DYNLRB2: variants seen among roughly 807,000 people sequenced by gnomAD.
DYNLRB2 encodes the protein dynein light chain roadblock-type 2.
Under a neutral mutation model 12.6 loss-of-function variants are expected in DYNLRB2, and 14 were observed. The ratio of observed to expected loss-of-function variants is 1.11; its 90% confidence interval spans 0.73 to 1.73. The LOEUF is 1.73. Among genes scored for constraint, DYNLRB2 ranks in the 40% most tolerant of loss-of-function variants. The pLI, the probability that DYNLRB2 is intolerant of heterozygous loss-of-function variation, is 0.00. For synonymous variants in DYNLRB2, 53 were observed against 37.0 expected (o/e 1.43, Z -1.57); for missense variants, 142 against 117.7 (o/e 1.21, Z -0.95).
chr16:80,542,037 G>A (rs1904292848), intron 1 of DYNLRB2, among the ~76,000 whole-genome samples: 1 of 152,108 alleles, frequency 6.6e-6, no homozygotes. Flanking sequence ...AATTTCTGTT[G>A]CTATTAGGTC....
At chr16:80,546,083 C>T (rs1904448595) in intron 2 of DYNLRB2, among the ~76,000 whole-genome samples, 1 of 152,134 alleles carries the variant, frequency 6.6e-6, no homozygotes. Flanking sequence ...GCCAAATTAA[C>T]CTTTTTTCCC....
intron 2 of DYNLRB2, among the ~76,000 whole-genome samples, chr16:80,545,337 T>G (rs1904382966): frequency 6.6e-6 from 1 of 152,028 alleles, no homozygotes. Context: ...ATCCTAACAG[T>G]AGGGGAATTT....
intron 1 of DYNLRB2, among the ~76,000 whole-genome samples, chr16:80,541,917 C>T (rs377280938): frequency 1.3e-5 from 2 of 152,192 alleles, no homozygotes; most frequent in African/African-American, 4.8e-5. Context: ...CAGATGCAAA[C>T]ATTCGTTGCT....
chr16:80,549,940 A>T (rs1426146595), intron 3 of DYNLRB2, among the ~76,000 whole-genome samples: 1 of 152,216 alleles, frequency 6.6e-6, no homozygotes, highest in Non-Finnish European at 1.5e-5. Flanking sequence ...AACTTAGCAT[A>T]CAGACTCTGC....
intron 2 of DYNLRB2, chr16:80,549,070 T>G: frequency 2.2e-6 from 1 of 451,320 alleles, no homozygotes; most frequent in Non-Finnish European, 4.5e-6. Flanking sequence ...AGTTAATGGC[T>G]TCTGAAAGAT....
At chr16:80,543,967 G>T (rs1180946746) in intron 2 of DYNLRB2, among the ~76,000 whole-genome samples, 1 of 152,172 alleles carries the variant, frequency 6.6e-6, no homozygotes, top group African/African-American at 2.4e-5. Flanking sequence ...GCTCAGCTAT[G>T]GTGGCAACCT....
chr16:80,544,433 G>C (rs775543264), intron 2 of DYNLRB2, among the ~76,000 whole-genome samples: 1 of 152,234 alleles, frequency 6.6e-6, no homozygotes, highest in South Asian at 2.1e-4. Flanking sequence ...TTTCGAGCTT[G>C]AATAATCAGG....
At chr16:80,546,348 G>C (rs568617887) in intron 2 of DYNLRB2, among the ~76,000 whole-genome samples, 18 of 152,242 alleles carry the variant, frequency 1.2e-4, no homozygotes, top group African/African-American at 4.3e-4. Flanking sequence ...ATGTATTCTT[G>C]TTTTCTACTA....
intron 2 of DYNLRB2, among the ~76,000 whole-genome samples, chr16:80,544,449 G>A (rs1231460069): frequency 6.6e-6 from 1 of 152,226 alleles, no homozygotes; most frequent in Non-Finnish European, 1.5e-5. Context: ...TCAGGGGGAA[G>A]AGAGGATTTA....
intron 2 of DYNLRB2, among the ~76,000 whole-genome samples, chr16:80,545,627 C>T (rs1254735934): frequency 1.4e-5 from 2 of 143,988 alleles, no homozygotes; most frequent in Non-Finnish European, 3.0e-5. Flanking sequence ...TTCTCTTATC[C>T]GAAGGCAACA....
At chr16:80,548,925 T>C (rs1904656937) in intron 2 of DYNLRB2, 2 of 455,902 alleles carry the variant, frequency 4.4e-6, no homozygotes, top group Non-Finnish European at 8.8e-6. Context: ...TGATATCCCT[T>C]TATGTTTGTG....
intron 2 of DYNLRB2, among the ~76,000 whole-genome samples, chr16:80,544,107 G>A (rs777626157): frequency 4.6e-5 from 7 of 152,154 alleles, no homozygotes; most frequent in Non-Finnish European, 1.0e-4. Context: ...CATGGAATTG[G>A]CCTATTACCA....
chr16:80,543,741 G>A (rs1276982524), intron 2 of DYNLRB2, among the ~76,000 whole-genome samples: 1 of 152,180 alleles, frequency 6.6e-6, no homozygotes, highest in Non-Finnish European at 1.5e-5. Flanking sequence ...CAGAATTTCA[G>A]TGTTTATTTT....
intron 2 of DYNLRB2, 63 bp from the exon 3 acceptor site, chr16:80,549,421 C>CA: frequency 7.0e-7 from 1 of 1,429,594 alleles, no homozygotes; most frequent in Non-Finnish European, 9.3e-7. Flanking sequence ...CCAATACTTC[C>CA]ACACTGTACT....
intron 2 of DYNLRB2, among the ~76,000 whole-genome samples, chr16:80,545,683 T>TTTTTTTTTTTTTG: frequency 7.3e-6 from 1 of 137,736 alleles, no homozygotes. Flanking sequence ...TTTTTTTTTT[T>TTTTTTTTTTTTTG]TTGAGATGGA....
Position 80,550,505 on chromosome 16 carries a change from C to G in DYNLRB2, c.248-10C>G. ...TTAAGGGTGAATTGATTTTATCCAT[C>G]TCTCCATAGATAAGGAATATCTTCT... is the stretch of plus-strand genomic sequence containing the variant. On this transcript the variant is annotated splice_polypyrimidine_tract_variant and intron_variant, in intron 3 of 3. Transcript: ENST00000305904. The G allele has an allele frequency of 6.2e-7, 1 of 1,613,950 alleles. No individual in the cohort carries two copies.
rs142363784 is a variant in DYNLRB2 at position 80,547,986 on chromosome 16, A to G, written c.80-1498A>G. The G allele has an allele frequency of 1.5e-3, 505 of 342,440 alleles. 2 individuals are homozygous for G. Among genetic ancestry groups the G allele is most frequent in the African/African-American group, 9.5e-3 (435 of 46,016 alleles). The allele number at this position is 342,440 out of a possible 1,614,324, so 21.2% of individuals were successfully genotyped here. Reference sequence around the variant, plus strand: ...TCAAAGTCAAAATTGATGGTCTTCAAGATTTTTATGAAAACCTGGTAAAAT... The same window carrying G: ...TCAAAGTCAAAATTGATGGTCTTCAGGATTTTTATGAAAACCTGGTAAAAT... On this transcript the variant is annotated intron_variant, in intron 2 of 3. Transcript: ENST00000305904.
At chr16:80,546,011 T>G (rs544408054) in intron 2 of DYNLRB2, among the ~76,000 whole-genome samples, 1 of 152,250 alleles carries the variant, frequency 6.6e-6, no homozygotes, top group South Asian at 2.1e-4. Context: ...ATAGGATAAG[T>G]TTGTATTAGA....
In DYNLRB2 at chr16:80,550,721, T is replaced by A. The variant is rs781160010; in HGVS notation, c.*163T>A. 5.5e-6 allele frequency: 4 copies of A among 730,462 alleles called. No homozygotes were observed. Among genetic ancestry groups the A allele is most frequent in the Non-Finnish European group, 9.0e-6 (4 of 442,500 alleles). The allele number at this position is 730,462 out of a possible 1,614,324, so 45.2% of individuals were successfully genotyped here. A position where few individuals can be genotyped will look rare whatever the true frequency, so the allele number is the denominator to read the frequency against. On this transcript the variant is annotated 3_prime_UTR_variant, in exon 4 of 4. Coordinates refer to ENST00000305904, the MANE Select transcript of DYNLRB2 (RefSeq NM_130897.3). ...TCTCATTTAGTCCCTTTTGATTATATTGTGAAGTTGTACTTTAGTGATACA... is the reference window on the plus strand; with the variant it reads ...TCTCATTTAGTCCCTTTTGATTATAATGTGAAGTTGTACTTTAGTGATACA...
Sources: allele counts gnomAD v4.1 joint callset (sites outside exome capture counted in the v4.1 genomes callset), GRCh38; gene constraint gnomAD v4.1.1; transcripts MANE v1.5; gene names NCBI Gene and HGNC (gene_info 2026-07-23, HGNC 2026-07-21).